The following ADGRF3 variants were observed in gnomAD, a reference collection of about 807,000 sequenced individuals.
ADGRF3 encodes the protein G protein-coupled receptor 113.
ADGRF3 carries 85 observed loss-of-function variants against 93.2 expected under a neutral mutation model. That is an observed-to-expected ratio of 0.91 (90% CI 0.77 to 1.09). The LOEUF (loss-of-function observed/expected upper bound fraction) is 1.09. ADGRF3 is among the 50% of genes least tolerant of loss of function. ADGRF3 has a pLI of 0.00. For missense variants in ADGRF3, 1,125 were observed against 1,246.2 expected, an observed-to-expected ratio of 0.90 and a Z score of 1.46; for synonymous variants, 534 against 532.5, an observed-to-expected ratio of 1.00 and a Z score of -0.04.
chr2:26,313,976 C>A, intron 6 of ADGRF3, 73 bp from the exon 7 acceptor site: 1 of 1,555,934 alleles, frequency 6.4e-7, no homozygotes, highest in Non-Finnish European at 8.8e-7. Context: ...CTCTGACATG[C>A]TGTTTCAGTC....
At chr2:26,312,204 G>A in intron 9 of ADGRF3, 130 bp from the exon 10 acceptor site, 1 of 930,232 alleles carries the variant, frequency 1.1e-6, no homozygotes, top group South Asian at 1.7e-5. Context: ...GGAGAGAAAA[G>A]GGAGAGGAAG....
chr2:26,319,068 C>T (rs999439398), intron 1 of ADGRF3: 3 of 1,537,354 alleles, frequency 2.0e-6, no homozygotes, highest in Non-Finnish European at 2.6e-6. Flanking sequence ...GAAGCAGTCC[C>T]TACAAGCCCA....
chr2:26,328,910 G>A (rs796187729), intron 1 of ADGRF3, among the ~76,000 whole-genome samples: 22 of 152,314 alleles, frequency 1.4e-4, no homozygotes, highest in African/African-American at 4.8e-4. Flanking sequence ...TGGATAGACA[G>A]AATAATGACC....
At chr2:26,314,683 C>G in intron 5 of ADGRF3, 60 bp from the exon 6 acceptor site, 1 of 1,457,794 alleles carries the variant, frequency 6.9e-7, no homozygotes, top group Non-Finnish European at 9.4e-7. Context: ...ACCACAGAAT[C>G]TCTGCTGCTT....
Position 26,309,048 on chromosome 2 carries a change from C to A in ADGRF3, c.*38G>T, listed in dbSNP as rs766533683. 1 of 1,613,924 alleles carries A rather than the reference C, an allele frequency of 6.2e-7. No homozygotes were observed. Among genetic ancestry groups the A allele is most frequent in the Admixed American group, 1.7e-5 (1 of 60,012 alleles). On this transcript the variant is annotated 3_prime_UTR_variant, in exon 14 of 14. Transcript: ENST00000651242. Reference sequence around the variant, plus strand: ...TCATCTGGTGGGTTCAAGCACACAGCCTCAACTCCCTTGCAGGAACATGGG... The same window carrying A: ...TCATCTGGTGGGTTCAAGCACACAGACTCAACTCCCTTGCAGGAACATGGG...
chr2:26,340,495 C>T (rs1031878735), intron 1 of ADGRF3: 8 of 152,138 alleles, frequency 5.3e-5, no homozygotes, highest in Admixed American at 5.2e-4. Flanking sequence ...AATGAAGGCC[C>T]TTGCACAGCT....
chr2:26,344,758 G>T (rs1195901941), intron 1 of ADGRF3, among the ~76,000 whole-genome samples: 1 of 152,224 alleles, frequency 6.6e-6, no homozygotes, highest in Non-Finnish European at 1.5e-5. Flanking sequence ...TGAGCCAGGG[G>T]AGGTCGAGGC....
At position 26,311,403 on chromosome 2, in the gene ADGRF3, T is replaced by C. The variant is rs138171124; in HGVS notation, c.2121A>G (p.Gln707=). The part of the protein sequence containing the change: ...PEEPALALLT[Q]VGLGASILAL... ...CCAGTATGGAAGCTCCCAAGCCCAC[T>C]TGAGTCAGCAGCGCCAGAGCGGGTT... Residue 707 remains glutamine, a synonymous_variant, in exon 10 of 14, where the codon CAA becomes CAG. Transcript: ENST00000651242. 1,933 of 1,613,944 alleles carry C rather than the reference T, an allele frequency of 1.2e-3. 9 individuals carry two copies. Among genetic ancestry groups the C allele is most frequent in the Non-Finnish European group, 1.3e-3 (1,568 of 1,179,892 alleles).
At chr2:26,343,835 T>A (rs1186460073) in intron 1 of ADGRF3, among the ~76,000 whole-genome samples, 1 of 152,172 alleles carries the variant, frequency 6.6e-6, no homozygotes, top group African/African-American at 2.4e-5. Flanking sequence ...TATAAACCAA[T>A]TTCTGGGTTA....
rs71399383 is a variant in ADGRF3 at position 26,323,633 on chromosome 2, G to GTTT, written c.115-6074_115-6072dup. On this transcript the variant is annotated intron_variant, in intron 1 of 13. Transcript: ENST00000651242. ...CATTACTTCTTCTTCTTCTGTGTTTGTTTTTTTTTTTTTTGAGACAGAGTC... is the reference window on the plus strand; with the variant it reads ...CATTACTTCTTCTTCTTCTGTGTTTGTTTTTTTTTTTTTTTTTGAGACAGAGTC... Among the ~76,000 whole-genome samples the GTTT allele has an allele frequency of 3.3e-3, 463 of 138,838 alleles. 10 individuals are homozygous for GTTT. The highest frequency in any genetic ancestry group is 5.0e-3 in the Non-Finnish European group (322 of 64,394). 91.1% of individuals were successfully genotyped at this position (138,838 alleles called of 152,430 possible). A position where few individuals can be genotyped will look rare whatever the true frequency, so the allele number is the denominator to read the frequency against.
rs555263781 is a variant in ADGRF3 at position 26,345,980 on chromosome 2, C to CG, written c.114+140dup. On this transcript the variant is annotated intron_variant, in intron 1 of 13. Transcript: ENST00000651242. Reference sequence around the variant, plus strand: ...CACGCCGATTGGACAACAGCAGTGTCGGGGGACGGGCCGCTCGAGCGGGCT... The same window carrying CG: ...CACGCCGATTGGACAACAGCAGTGTCGGGGGGACGGGCCGCTCGAGCGGGCT... The CG allele has an allele frequency of 3.8e-6, 3 of 786,654 alleles. 1 individual carries two copies. The South Asian group carries it at 5.3e-5, about 14-fold the overall frequency. The allele number at this position is 786,654 out of a possible 1,614,324, so 48.7% of individuals were successfully genotyped here. A position where few individuals can be genotyped will look rare whatever the true frequency, so the allele number is the denominator to read the frequency against.
chr2:26,327,829 CT>C (rs202241408), intron 1 of ADGRF3, among the ~76,000 whole-genome samples: 20 of 147,998 alleles, frequency 1.4e-4, no homozygotes, highest in East Asian at 4.1e-4. Flanking sequence ...TAAACGTCTT[CT>C]TTTAAAAAAA....
intron 1 of ADGRF3, among the ~76,000 whole-genome samples, chr2:26,327,008 G>A (rs915506407): frequency 1.3e-5 from 2 of 152,262 alleles, no homozygotes; most frequent in Admixed American, 6.5e-5. Flanking sequence ...GACCTCAAGT[G>A]ATCCACCTGC....
intron 1 of ADGRF3, among the ~76,000 whole-genome samples, chr2:26,340,708 G>A (rs892878639): frequency 6.1e-5 from 9 of 147,710 alleles, no homozygotes; most frequent in African/African-American, 2.2e-4. Flanking sequence ...ATAAAGGGGA[G>A]GAGGATGTGT....
At chr2:26,346,086 A>G in intron 1 of ADGRF3, 35 bp downstream of exon 1, 1 of 1,544,692 alleles carries the variant, frequency 6.5e-7, no homozygotes, top group Non-Finnish European at 8.7e-7. Flanking sequence ...CGAGGCGGCT[A>G]CGCGTGCGCG....
rs1438364080 is a variant in ADGRF3, at chr2:26,308,966, C to G, written c.*120G>C. 5 of 1,366,230 alleles carry G rather than the reference C, an allele frequency of 3.7e-6. No homozygotes were observed. The African/African-American group carries it at 7.2e-5, about 20-fold the overall frequency. 84.6% of individuals were successfully genotyped at this position (1,366,230 alleles called of 1,614,324 possible). A position where few individuals can be genotyped will look rare whatever the true frequency, so the allele number is the denominator to read the frequency against. On this transcript the variant is annotated 3_prime_UTR_variant, in exon 14 of 14. Coordinates refer to ENST00000651242, the MANE Select transcript of ADGRF3 (RefSeq NM_001321971.2). ...GTCACTAAGGGAAATATAAGCCTGC[C>G]TTTCTCAAGGGCTGAGCTCCGGGAG...
At chr2:26,334,185 C>T (rs1053697546) in intron 1 of ADGRF3, among the ~76,000 whole-genome samples, 7 of 150,456 alleles carry the variant, frequency 4.7e-5, no homozygotes, top group African/African-American at 1.2e-4. Flanking sequence ...CCAGGCTCAG[C>T]AGCACACAGC....
chr2:26,314,421 G>GC lies in ADGRF3; in HGVS notation c.920dup (p.Ser308GlnfsTer25), dbSNP rs779205754. The GC allele has an allele frequency of 3.1e-6, 5 of 1,612,922 alleles. No individual in the cohort carries two copies. In the African/African-American group the frequency reaches 6.7e-5, roughly 22 times the overall value. ...GCTGGCCCCTTCTCATACCTTTGCTGCCCTCTCCAGGGCTCCAGGCCGCGG... is the reference window on the plus strand; with the variant it reads ...GCTGGCCCCTTCTCATACCTTTGCTGCCCCTCTCCAGGGCTCCAGGCCGCGG... On this transcript the variant is annotated frameshift_variant, in exon 6 of 14. Transcript: ENST00000651242. LOFTEE classifies it high-confidence loss of function.
intron 1 of ADGRF3, among the ~76,000 whole-genome samples, chr2:26,337,998 T>C (rs1676151372): frequency 6.6e-6 from 1 of 152,114 alleles, no homozygotes. Flanking sequence ...CCTCCCAGCC[T>C]GGGCAACAAA....
Sources: allele counts gnomAD v4.1 joint callset (sites outside exome capture counted in the v4.1 genomes callset), GRCh38; gene constraint gnomAD v4.1.1; transcripts MANE v1.5; gene names NCBI Gene and HGNC (gene_info 2026-07-23, HGNC 2026-07-21).